Variants in KLHL6 observed in about 807,000 individuals in gnomAD.
KLHL6 encodes the protein kelch-like protein 6.
A neutral mutation model predicts 58.6 loss-of-function variants in KLHL6; 41 were observed. The observed-to-expected ratio is 0.70, with a 90% confidence interval of 0.55 to 0.91. The LOEUF is 0.91. KLHL6 is among the 40% of genes least tolerant of loss of function. KLHL6 has a pLI of 0.00. For missense variants in KLHL6, 714 were observed against 805.6 expected (o/e 0.89, Z 1.38); for synonymous variants, 338 against 322.7 (o/e 1.05, Z -0.51).
intron 1 of KLHL6, among the ~76,000 whole-genome samples, chr3:183,541,240 C>A (rs1712542587): frequency 6.6e-6 from 1 of 152,236 alleles, no homozygotes; most frequent in Admixed American, 6.5e-5. Flanking sequence ...GCTGCTCCCT[C>A]CGCCAGCTGC....
chr3:183,540,675 A>C (rs747326773), intron 1 of KLHL6, among the ~76,000 whole-genome samples: 13 of 151,688 alleles, frequency 8.6e-5, no homozygotes, highest in Non-Finnish European at 1.6e-4. Context: ...AGTAGCTGAG[A>C]CTGCAGGCAC....
At chr3:183,547,438 C>T (rs989987300) in intron 1 of KLHL6, among the ~76,000 whole-genome samples, 1 of 152,140 alleles carries the variant, frequency 6.6e-6, no homozygotes, top group African/African-American at 2.4e-5. Context: ...TATTTGTCTA[C>T]CTTTTCTCAC....
chr3:183,544,558 A>C (rs1300023162), intron 1 of KLHL6: 1 of 152,182 alleles, frequency 6.6e-6, no homozygotes, highest in African/African-American at 2.4e-5. Context: ...TTGGCTAATA[A>C]GAAAGTAAAG....
At chr3:183,510,530 T>C (rs1376379815) in intron 2 of KLHL6, among the ~76,000 whole-genome samples, 1 of 152,168 alleles carries the variant, frequency 6.6e-6, no homozygotes, top group East Asian at 1.9e-4. Context: ...TCAACCTCTA[T>C]TGCAAAATAT....
chr3:183,526,947 A>C (rs1163113877), intron 2 of KLHL6, among the ~76,000 whole-genome samples: 1 of 152,076 alleles, frequency 6.6e-6, no homozygotes, highest in Non-Finnish European at 1.5e-5. Flanking sequence ...AAAAATACAA[A>C]AATCATCTGG....
At chr3:183,555,161 G>A (rs1243485453) in intron 1 of KLHL6, among the ~76,000 whole-genome samples, 200 bp downstream of exon 1, 4 of 151,978 alleles carry the variant, frequency 2.6e-5, no homozygotes, top group Admixed American at 6.6e-5. Flanking sequence ...GCAAAACTCC[G>A]TCTCAAAAAT....
chr3:183,510,874 AAAATAAAT>A (rs55944280), intron 2 of KLHL6, among the ~76,000 whole-genome samples: 1 of 148,162 alleles, frequency 6.7e-6, no homozygotes, highest in East Asian at 2.0e-4. Flanking sequence ...ACTCCATCTC[AAAATAAAT>A]AAATAAATAA....
rs745944239 is a variant in KLHL6, at chr3:183,508,212, G to A, written c.756C>T (p.Cys252=). The change falls in exon 3 of 7, where the codon TGC becomes TGT. Residue 252 remains cysteine, a synonymous_variant. Coordinates refer to ENST00000341319, the MANE Select transcript of KLHL6 (RefSeq NM_130446.4). ...WVRHKPSERL[C]LLPYVLENVR... is the part of the protein sequence containing the mutation. ...CGTTCTCGAGGACATAGGGGAGTAA[G>A]CAGAGTCGTTCTGATGGCTTGTGCC... is the stretch of plus-strand genomic sequence containing the variant. 1 of 1,614,204 alleles carries A rather than the reference G, an allele frequency of 6.2e-7. No individual in the cohort carries two copies. Among genetic ancestry groups the A allele is most frequent in the South Asian group, 1.1e-5 (1 of 91,084 alleles).
chr3:183,529,808 G>A (rs902246434), intron 1 of KLHL6, among the ~76,000 whole-genome samples: 1 of 151,970 alleles, frequency 6.6e-6, no homozygotes, highest in South Asian at 2.1e-4. Context: ...AGAAAGAAAG[G>A]AAACTCTAAC....
intron 1 of KLHL6, among the ~76,000 whole-genome samples, chr3:183,529,050 GA>G (rs1712072496): frequency 6.6e-6 from 1 of 152,176 alleles, no homozygotes; most frequent in Non-Finnish European, 1.5e-5. Flanking sequence ...CACAAGAACA[GA>G]AAACCAAATA....
At chr3:183,512,777 C>T (rs1353398766) in intron 2 of KLHL6, among the ~76,000 whole-genome samples, 1 of 151,898 alleles carries the variant, frequency 6.6e-6, no homozygotes, top group Non-Finnish European at 1.5e-5. Flanking sequence ...AGGCATGAGC[C>T]ACCAGGCCGG....
intron 3 of KLHL6, among the ~76,000 whole-genome samples, chr3:183,504,770 G>A (rs116556161): frequency 1.1e-4 from 17 of 152,232 alleles, no homozygotes; most frequent in Non-Finnish European, 2.1e-4. Context: ...TGGGGGTTTG[G>A]TGTACAGATT....
Position 183,535,038 on chromosome 3 carries a change from G to A in KLHL6, c.294-7028C>T, listed in dbSNP as rs564051840. ...CGGCTCACTGCAGCCTCAGCCTCCC[G>A]GATTCAAGCGATTCTCCTGCCTCAG... On this transcript the variant is annotated intron_variant, in intron 1 of 6. Transcript: ENST00000341319. Among the ~76,000 whole-genome samples the A allele has an allele frequency of 7.3e-5, 11 of 151,026 alleles. No individual in the cohort carries two copies. The South Asian group carries it at 1.5e-3, about 20-fold the overall frequency.
intron 3 of KLHL6, among the ~76,000 whole-genome samples, chr3:183,504,732 A>T (rs1445100591): frequency 1.3e-5 from 2 of 152,122 alleles, no homozygotes; most frequent in Non-Finnish European, 2.9e-5. Flanking sequence ...GCATGTGCAG[A>T]TTTGTTATAT....
chr3:183,555,606 G>A lies in KLHL6; in HGVS notation c.48C>T (p.Val16=), dbSNP rs768126952. ...CCAGGGGCCCTTCCAAACTCTTCTC[G>A]ACCACATCACCCATGGTCCAGGCGC... ...QRGAWTMGDV[V]EKSLEGPLAP... The change falls in exon 1 of 7, where the codon GTC becomes GTT. Residue 16 remains valine, a synonymous_variant. Coordinates refer to ENST00000341319, the MANE Select transcript of KLHL6 (RefSeq NM_130446.4). 11 of 1,613,160 alleles carry A rather than the reference G, an allele frequency of 6.8e-6. No individual in the cohort carries two copies. Among genetic ancestry groups the A allele is most frequent in the African/African-American group, 5.3e-5 (4 of 74,772 alleles).
intron 3 of KLHL6, among the ~76,000 whole-genome samples, chr3:183,504,505 A>G (rs561040050): frequency 6.6e-6 from 1 of 152,320 alleles, no homozygotes; most frequent in African/African-American, 2.4e-5. Flanking sequence ...CACCTCGGAA[A>G]TACAAAAGGC....
chr3:183,524,480 C>T (rs1333410706), intron 2 of KLHL6, among the ~76,000 whole-genome samples: 1 of 152,216 alleles, frequency 6.6e-6, no homozygotes, highest in Non-Finnish European at 1.5e-5. Context: ...TCAATCAGTA[C>T]CTGCCACACC....
At chr3:183,538,399 C>G (rs1164356399) in intron 1 of KLHL6, among the ~76,000 whole-genome samples, 6 of 152,154 alleles carry the variant, frequency 3.9e-5, no homozygotes, top group Non-Finnish European at 8.8e-5. Context: ...CCTGTCTGCC[C>G]CCTGTTCTGT....
At position 183,489,165 on chromosome 3, in the gene KLHL6, G is replaced by C. The variant is rs1210772213; in HGVS notation, c.*2762C>G. ...GGACCGCCATCCCCTCCCTGACTAG[G>C]GGCGCTGTCTTTTTGAAGGGAGGCT... On this transcript the variant is annotated 3_prime_UTR_variant, in exon 7 of 7. Transcript: ENST00000341319. 6.6e-6 allele frequency: 1 copy of C among 152,084 alleles called. No homozygotes were observed. Among genetic ancestry groups the C allele is most frequent in the African/African-American group, 2.4e-5 (1 of 41,408 alleles). The allele number at this position is 152,084 out of a possible 1,614,324, so 9.4% of individuals were successfully genotyped here.
Sources: allele counts gnomAD v4.1 joint callset (sites outside exome capture counted in the v4.1 genomes callset), GRCh38; gene constraint gnomAD v4.1.1; transcripts MANE v1.5; gene names NCBI Gene and HGNC (gene_info 2026-07-23, HGNC 2026-07-21).